Variants in LAMA4 observed in about 807,000 individuals in gnomAD.
The protein encoded by LAMA4 is laminin subunit alpha 4, also known as laminin subunit alpha-4.
A neutral mutation model predicts 207.1 loss-of-function variants in LAMA4; 127 were observed. That is an observed-to-expected ratio of 0.61 (90% confidence interval 0.53 to 0.71). The LOEUF (loss-of-function observed/expected upper bound fraction) is 0.71. Among genes scored for constraint, LAMA4 ranks in the 30% least tolerant of loss-of-function variants. The pLI is 0.00. For synonymous variants in LAMA4, 761 were observed against 816.0 expected, an observed-to-expected ratio of 0.93 and a Z score of 1.15; for missense variants, 2,093 against 2,246.5, an observed-to-expected ratio of 0.93 and a Z score of 1.38.
chr6:112,212,540 T>C (rs552194570), intron 3 of LAMA4, among the ~76,000 whole-genome samples: 20 of 152,260 alleles, frequency 1.3e-4, no homozygotes, highest in Non-Finnish European at 2.4e-4. Context: ...TGTCATATTC[T>C]TATGTTGATG....
chr6:112,216,823 C>G, intron 2 of LAMA4: 2 of 336,656 alleles, frequency 5.9e-6, no homozygotes, highest in Non-Finnish European at 1.1e-5. Flanking sequence ...CAAAACAAAA[C>G]AAGACCACAA....
At chr6:112,175,501 A>G in intron 10 of LAMA4, 21 bp from the exon 11 acceptor site, 1 of 1,613,814 alleles carries the variant, frequency 6.2e-7, no homozygotes, top group Non-Finnish European at 8.5e-7. Context: ...GAACATGGTG[A>G]AACAAGGCAG....
intron 32 of LAMA4, 110 bp from the exon 33 acceptor site, chr6:112,120,582 C>G: frequency 1.2e-6 from 1 of 823,406 alleles, no homozygotes; most frequent in Non-Finnish European, 2.0e-6. Context: ...GCCATTCTAT[C>G]TAATCCCAAG....
chr6:112,175,522 T>C lies in LAMA4; in HGVS notation c.1190-42A>G, dbSNP rs572237524. 4 of 1,606,664 alleles carry C rather than the reference T, an allele frequency of 2.5e-6. No homozygotes were observed. The Admixed American group carries it at 5.0e-5, about 20-fold the overall frequency. ...GGTGAAACAAGGCAGCAGGGAGAGA[T>C]GACCAGGCACTAGAAATGCAAGGGA... is the stretch of plus-strand genomic sequence containing the variant. On this transcript the variant is annotated intron_variant, in intron 10 of 38. Coordinates refer to ENST00000230538, the MANE Select transcript of LAMA4 (RefSeq NM_001105206.3).
At chr6:112,121,725 G>A (rs1386095110) in intron 32 of LAMA4, 1 of 376,974 alleles carries the variant, frequency 2.7e-6, no homozygotes, top group African/African-American at 2.1e-5. Flanking sequence ...TAGATGATGA[G>A]TCATTTGAAA....
chr6:112,115,509 ATAT>A (rs1477669523), intron 36 of LAMA4, among the ~76,000 whole-genome samples: 1 of 152,090 alleles, frequency 6.6e-6, no homozygotes, highest in Non-Finnish European at 1.5e-5. Context: ...ATATACATAC[ATAT>A]TATAGATATT....
chr6:112,187,321 A>T (rs782739878), intron 8 of LAMA4, 129 bp downstream of exon 8: 1 of 1,026,176 alleles, frequency 9.7e-7, no homozygotes, highest in Non-Finnish European at 1.5e-6. Flanking sequence ...TCTATGTTAG[A>T]CCTACAGGTC....
At chr6:112,242,136 G>A (rs936454729) in intron 2 of LAMA4, among the ~76,000 whole-genome samples, 4 of 152,090 alleles carry the variant, frequency 2.6e-5, no homozygotes, top group African/African-American at 9.7e-5. Context: ...CTGGGCTATG[G>A]GTGCTGAGAA....
intron 6 of LAMA4, 113 bp downstream of exon 6, chr6:112,191,523 A>G (rs1174878029): frequency 1.7e-5 from 13 of 781,758 alleles, no homozygotes; most frequent in Non-Finnish European, 2.6e-5. Context: ...GCCCTGGGAA[A>G]GTGACAAGGG....
chr6:112,245,733 A>G (rs1377562871), intron 2 of LAMA4, among the ~76,000 whole-genome samples: 1 of 152,184 alleles, frequency 6.6e-6, no homozygotes, highest in African/African-American at 2.4e-5. Context: ...GTTCTCATGA[A>G]GTAAAAAATG....
intron 14 of LAMA4, among the ~76,000 whole-genome samples, chr6:112,156,233 C>A (rs1780705954): frequency 6.6e-6 from 1 of 152,090 alleles, no homozygotes; most frequent in South Asian, 2.1e-4. Flanking sequence ...CCTCAGCCCA[C>A]CCTCACCCCT....
intron 8 of LAMA4, chr6:112,187,009 G>A (rs905510481): frequency 6.9e-5 from 29 of 419,446 alleles, no homozygotes; most frequent in Non-Finnish European, 1.3e-4. Context: ...TGGGTGGGTG[G>A]TGGGGTGAGG....
At position 112,202,443 on chromosome 6, in the gene LAMA4, GGTGT is replaced by G. The variant is rs3831518; in HGVS notation, c.423-759_423-756del. Reference sequence around the variant, plus strand: ...ACACATGAATTGTGTGGGGCATAGGGGTGTGTGTGTGTGTGTGTGTGTATGTAAA... The same window carrying G: ...ACACATGAATTGTGTGGGGCATAGGGGTGTGTGTGTGTGTGTGTATGTAAA... On this transcript the variant is annotated intron_variant, in intron 4 of 38. Coordinates refer to ENST00000230538, the MANE Select transcript of LAMA4 (RefSeq NM_001105206.3). Among the ~76,000 whole-genome samples the G allele has an allele frequency of 4.8e-3, 717 of 150,098 alleles. 4 individuals carry two copies. Among genetic ancestry groups the G allele is most frequent in the African/African-American group, 0.017 (687 of 40,914 alleles).
chr6:112,117,899 C>T lies in LAMA4; in HGVS notation c.4822-1G>A. 1 of 1,612,802 alleles carries T rather than the reference C, an allele frequency of 6.2e-7. No homozygotes were observed. Among genetic ancestry groups the T allele is most frequent in the Non-Finnish European group, 8.5e-7 (1 of 1,179,120 alleles). On this transcript the variant is annotated splice_acceptor_variant, in intron 34 of 38. Coordinates refer to ENST00000230538, the MANE Select transcript of LAMA4 (RefSeq NM_001105206.3). LOFTEE classifies it high-confidence loss of function. The surrounding 1 kb of genome is among the most constrained non-coding windows in gnomAD (Gnocchi z 4.5). ...CACTAAAACTGTAGATGGAGTTAAT[C>T]TGAGGGAAGAAGATATTTCTTAAAA...
chr6:112,168,058 C>T (rs1200882383), intron 12 of LAMA4, among the ~76,000 whole-genome samples: 8 of 151,924 alleles, frequency 5.3e-5, no homozygotes, highest in South Asian at 2.1e-4. Context: ...ATTAGCCGGG[C>T]GTGGTGGCGG....
chr6:112,189,985 G>C (rs1782921698), intron 6 of LAMA4, among the ~76,000 whole-genome samples: 1 of 152,064 alleles, frequency 6.6e-6, no homozygotes, highest in South Asian at 2.1e-4. Flanking sequence ...CAATTAACTG[G>C]AATAGAATTG....
chr6:112,121,579 T>G (rs1424872598), intron 32 of LAMA4, among the ~76,000 whole-genome samples: 1 of 152,234 alleles, frequency 6.6e-6, no homozygotes, highest in Admixed American at 6.5e-5. Context: ...GGGTTGGAGA[T>G]AGCTGGAGGG....
chr6:112,130,026 A>C lies in LAMA4; in HGVS notation c.3983T>G (p.Val1328Gly). The C allele has an allele frequency of 6.2e-7, 1 of 1,612,882 alleles. No individual in the cohort carries two copies. The highest frequency in any genetic ancestry group is 8.5e-7 in the Non-Finnish European group (1 of 1,179,392). The change falls in exon 30 of 39, where the codon GTA becomes GGA. Residue 1328 changes from valine (V) to glycine (G), a missense_variant. Physicochemically the swap from Val to Gly is moderately radical, Grantham distance 109 (BLOSUM62 -3). Coordinates refer to ENST00000230538, the MANE Select transcript of LAMA4 (RefSeq NM_001105206.3). ...CTTACTCCCAACTCTGCTTTTATCT[A>C]CTATCAGTTCATATCTGCAAAAGAA... Reference protein sequence around the residue: ...SVSPTRYELIVDKSRVGSKNP... With the variant: ...SVSPTRYELIGDKSRVGSKNP...
intron 9 of LAMA4, among the ~76,000 whole-genome samples, chr6:112,182,561 C>T (rs149172738): frequency 4.8e-4 from 73 of 152,326 alleles, no homozygotes; most frequent in African/African-American, 1.7e-3. Context: ...TGGAGATAGC[C>T]TACTTTCCTT....
Sources: gnomAD v4.1 joint callset for allele counts (sites outside exome capture counted in the v4.1 genomes callset) on GRCh38, gnomAD v4.1.1 for gene constraint, Gnocchi (gnomAD v3.1) non-coding constraint, MANE v1.5 for transcripts, NCBI Gene and HGNC (gene_info 2026-07-23, HGNC 2026-07-21) for gene names.